The following ARHGAP29 variants were observed in gnomAD, a reference collection of about 807,000 sequenced individuals.
ARHGAP29 encodes the protein Rho GTPase activating protein 29.
Under a neutral mutation model 122.6 loss-of-function variants are expected in ARHGAP29, and 43 were observed. That is an observed-to-expected ratio of 0.35 (90% CI 0.27 to 0.45). ARHGAP29 has a LOEUF of 0.45. Among genes scored for constraint, ARHGAP29 ranks in the 20% least tolerant of loss-of-function variants. The probability of loss-of-function intolerance (pLI) is 1.00; values close to 1 mark genes in which losing one functional copy is unlikely to be tolerated. For synonymous variants in ARHGAP29, 506 were observed against 497.1 expected (o/e 1.02, Z -0.24); for missense variants, 1,303 against 1,477.2 (o/e 0.88, Z 1.93).
the ARHGAP29 span, among the ~76,000 whole-genome samples, chr1:94,298,456 T>C: frequency 6.6e-6 from 1 of 152,224 alleles, no homozygotes; most frequent in African/African-American, 2.4e-5. Flanking sequence ...TTTCAACTTT[T>C]AACGATTGCA....
intron 19 of ARHGAP29, 113 bp downstream of exon 19, chr1:94,184,038 T>A: frequency 8.7e-7 from 1 of 1,153,638 alleles, no homozygotes; most frequent in East Asian, 2.4e-5. Flanking sequence ...GCAAGATACC[T>A]ATACCGTCTA....
the ARHGAP29 span, among the ~76,000 whole-genome samples, chr1:94,292,119 A>G: frequency 6.6e-6 from 1 of 152,254 alleles, no homozygotes; most frequent in Middle Eastern, 3.4e-3. Flanking sequence ...CTTTTCACAT[A>G]GTCCCATATT....
intron 3 of ARHGAP29, among the ~76,000 whole-genome samples, chr1:94,214,548 AT>A (rs1265963378): frequency 6.6e-6 from 1 of 152,002 alleles, no homozygotes; most frequent in Non-Finnish European, 1.5e-5. Flanking sequence ...CCTCTAAAAT[AT>A]TTTTTCTTCC....
At chr1:94,240,139 A>G (rs572085141), upstream of ARHGAP29, among the ~76,000 whole-genome samples, 1 of 152,312 alleles carries the variant, frequency 6.6e-6, no homozygotes, top group South Asian at 2.1e-4. Context: ...AACTACCCCT[A>G]AACCATCCCA....
chr1:94,298,201 C>T, the ARHGAP29 span, among the ~76,000 whole-genome samples: 19 of 152,148 alleles, frequency 1.2e-4, no homozygotes, highest in South Asian at 2.1e-4. Flanking sequence ...AACTTATGTA[C>T]GTATACTTTA....
rs1651421625 is a variant in ARHGAP29, at chr1:94,209,238, AC to A, written c.437+15del. The A allele has an allele frequency of 2.5e-5, 39 of 1,571,802 alleles. No individual in the cohort carries two copies. Among genetic ancestry groups the A allele is most frequent in the Non-Finnish European group, 3.3e-5 (38 of 1,147,586 alleles). ...CACCTAGGACTAGTTGCTTTAAATG[AC>A]AGTTCTCTACTTACATATTTCCAAA... On this transcript the variant is annotated intron_variant, in intron 4 of 22. Coordinates refer to ENST00000260526, the MANE Select transcript of ARHGAP29 (RefSeq NM_004815.4).
At chr1:94,243,211 C>A (rs566813773) in intron 1 of ARHGAP29, among the ~76,000 whole-genome samples, 1 of 125,930 alleles carries the variant, frequency 7.9e-6, no homozygotes, top group African/African-American at 2.9e-5. Flanking sequence ...ACCTGATAGA[C>A]ATTTACAGAA....
the ARHGAP29 span, among the ~76,000 whole-genome samples, chr1:94,296,223 G>A: frequency 6.6e-6 from 1 of 152,114 alleles, no homozygotes; most frequent in African/African-American, 2.4e-5. Flanking sequence ...TCATCCCATT[G>A]TCCGGCATAT....
Position 94,242,868 on chromosome 1 carries a change from A to G in ARHGAP29, c.-32-11225T>C, listed in dbSNP as rs186696119. On this transcript the variant is annotated intron_variant and NMD_transcript_variant, in intron 1 of 25. Transcript: ENST00000552844. Reference sequence around the variant, plus strand: ...AGATACATGGAAAGTAAAACAACAGAAAAAGACACACCATGCAAATATTAA... The same window carrying G: ...AGATACATGGAAAGTAAAACAACAGGAAAAGACACACCATGCAAATATTAA... 8.5e-3 allele frequency among the ~76,000 whole-genome samples: 1,294 copies of G among 152,258 alleles called. 2 individuals carry two copies. The highest frequency in any genetic ancestry group is 0.014 in the Non-Finnish European group (950 of 67,974).
intron 12 of ARHGAP29, among the ~76,000 whole-genome samples, chr1:94,197,872 T>C (rs913949646): frequency 3.9e-5 from 6 of 152,310 alleles, no homozygotes; most frequent in African/African-American, 1.4e-4. Flanking sequence ...TCAAAGAACC[T>C]ACAGCTATCA....
chr1:94,232,951 G>A (rs562208702), intron 1 of ARHGAP29, among the ~76,000 whole-genome samples: 1 of 149,832 alleles, frequency 6.7e-6, no homozygotes. Context: ...TTTTTTGGAG[G>A]GGGGAAGGGT....
chr1:94,194,682 T>C (rs1650338596), intron 12 of ARHGAP29: 1 of 152,214 alleles, frequency 6.6e-6, no homozygotes, highest in Admixed American at 6.5e-5. Context: ...ATCATCACAC[T>C]GGGGATTAGG....
rs1648635085 is a variant in ARHGAP29 at position 94,170,137 on chromosome 1, A to G, written c.*3732T>C. On this transcript the variant is annotated 3_prime_UTR_variant, in exon 23 of 23. Coordinates refer to ENST00000260526, the MANE Select transcript of ARHGAP29 (RefSeq NM_004815.4). The stretch of plus-strand genomic sequence containing the variant: ...AAACAATACATTTACAATCTTTAAG[A>G]ATCTCCTCACAAATTACTTCCTAAT... 6.6e-6 allele frequency among the ~76,000 whole-genome samples: 1 copy of G among 152,208 alleles called. No individual in the cohort carries two copies. Among genetic ancestry groups the G allele is most frequent in the Admixed American group, 6.5e-5 (1 of 15,286 alleles).
Position 94,169,859 on chromosome 1 carries a change from G to A in ARHGAP29, c.*4010C>T, listed in dbSNP as rs1407461517. Reference sequence around the variant, plus strand: ...AGGAACACAGAAGCCAGCTTGAAGAGACTCCCAAAAACCAAATCGGGGAAA... The same window carrying A: ...AGGAACACAGAAGCCAGCTTGAAGAAACTCCCAAAAACCAAATCGGGGAAA... On this transcript the variant is annotated 3_prime_UTR_variant, in exon 23 of 23. Transcript: ENST00000260526. 6.6e-6 allele frequency among the ~76,000 whole-genome samples: 1 copy of A among 152,164 alleles called. No individual in the cohort carries two copies. Among genetic ancestry groups the A allele is most frequent in the Non-Finnish European group, 1.5e-5 (1 of 68,028 alleles).
chr1:94,199,777 T>TA (rs1650719816), intron 12 of ARHGAP29, among the ~76,000 whole-genome samples: 2 of 152,186 alleles, frequency 1.3e-5, no homozygotes, highest in African/African-American at 2.4e-5. Flanking sequence ...CATCCCTACT[T>TA]ACGCTTGCCA....
intron 2 of ARHGAP29, among the ~76,000 whole-genome samples, chr1:94,227,204 C>T (rs1474193341): frequency 6.6e-6 from 1 of 151,742 alleles, no homozygotes; most frequent in Non-Finnish European, 1.5e-5. Flanking sequence ...AGTTAACATA[C>T]TACTTCCGAC....
At chr1:94,197,028 G>C (rs1024921830) in intron 12 of ARHGAP29, among the ~76,000 whole-genome samples, 7 of 151,882 alleles carry the variant, frequency 4.6e-5, no homozygotes, top group African/African-American at 1.5e-4. Context: ...ATAAAATGCA[G>C]AAATCAGTAA....
chr1:94,298,513 T>A, the ARHGAP29 span, among the ~76,000 whole-genome samples: 5 of 152,320 alleles, frequency 3.3e-5, no homozygotes, highest in East Asian at 9.6e-4. Flanking sequence ...ATTCAAGTGG[T>A]CTCTCAATTT....
At position 94,205,183 on chromosome 1, in the gene ARHGAP29, A is replaced by G. The variant is rs1204136399; in HGVS notation, c.575T>C (p.Leu192Ser). 1 of 1,583,694 alleles carries G rather than the reference A, an allele frequency of 6.3e-7. No homozygotes were observed. Among genetic ancestry groups the G allele is most frequent in the Admixed American group, 1.9e-5 (1 of 52,416 alleles). Reference protein sequence around the residue: ...SSSEKGNFSPLELDNVLLKNT... With the variant: ...SSSEKGNFSPSELDNVLLKNT... ...CTTTAACAGCACGTTGTCTAGTTCT[A>G]AAGGGGAAAAATTTCCTGAAAACAA... is the stretch of plus-strand genomic sequence containing the variant. The change falls in exon 7 of 23, where the codon TTA becomes TCA. Residue 192 changes from leucine to serine, a missense_variant. Coordinates refer to ENST00000260526, the MANE Select transcript of ARHGAP29 (RefSeq NM_004815.4).
Sources: allele counts gnomAD v4.1 joint callset (sites outside exome capture counted in the v4.1 genomes callset), GRCh38; gene constraint gnomAD v4.1.1; transcripts MANE v1.5; gene names NCBI Gene and HGNC (gene_info 2026-07-23, HGNC 2026-07-21).